Variants in CRELD2 observed in about 807,000 individuals in gnomAD.
CRELD2 encodes the protein CRELD disulfide isomerase 2.
In CRELD2, 33 loss-of-function variants were observed where a neutral mutation model predicts 48.1. That is an observed-to-expected ratio of 0.69 (90% CI 0.52 to 0.92). The LOEUF is 0.92. CRELD2 is among the 40% of genes least tolerant of loss of function. The probability of loss-of-function intolerance (pLI) is 0.00; values close to 1 mark genes in which losing one functional copy is unlikely to be tolerated. For synonymous variants in CRELD2, 220 were observed against 203.9 expected (o/e 1.08, Z -0.67); for missense variants, 477 against 482.4 (o/e 0.99, Z 0.10).
chr22:49,924,203 T>G (rs9616213), intron 7 of CRELD2, 157 bp from the exon 8 acceptor site: 125,781 of 562,260 alleles, frequency 0.22, 17,415 homozygotes, highest in African/African-American at 0.48. Context: ...AGTCTGTGCT[T>G]TTGCCGGGAG....
Position 49,922,359 on chromosome 22 carries a change from G to A in CRELD2, c.593-253G>A, listed in dbSNP as rs114824010. 223 of 1,611,094 alleles carry A rather than the reference G, an allele frequency of 1.4e-4. 1 individual carries two copies. The African/African-American group carries it at 2.3e-3, about 17-fold the overall frequency. Reference sequence around the variant, plus strand: ...TCTGTCTCTTGGATGTTGGCGTGGCGTGGGCCACGCATGGATCCGTGGCCG... The same window carrying A: ...TCTGTCTCTTGGATGTTGGCGTGGCATGGGCCACGCATGGATCCGTGGCCG... On this transcript the variant is annotated intron_variant, in intron 5 of 9. Transcript: ENST00000328268.
At chr22:49,925,940 C>T in intron 9 of CRELD2, 1 of 207,954 alleles carries the variant, frequency 4.8e-6, no homozygotes, top group Non-Finnish European at 9.5e-6. Context: ...TGGTGGAGGG[C>T]AAGCGGGTCC....
chr22:49,921,279 G>A (rs9616394), intron 4 of CRELD2: 8 of 363,506 alleles, frequency 2.2e-5, no homozygotes, highest in Middle Eastern at 7.4e-4. Context: ...AATAAGAGCC[G>A]CTCAGCTTTA....
intron 9 of CRELD2, 121 bp downstream of exon 9, chr22:49,925,678 A>G: frequency 6.5e-7 from 1 of 1,534,158 alleles, no homozygotes; most frequent in Non-Finnish European, 8.7e-7. Flanking sequence ...TGAGAGGGGG[A>G]TTCCCGGAAG....
In CRELD2 at chr22:49,924,209, G is replaced by A. The variant is rs9627798; in HGVS notation, c.773-151G>A. The stretch of plus-strand genomic sequence containing the variant: ...CAGGACGCGAGTCTGTGCTTTTGCC[G>A]GGAGACAGAGACAGATCGTTATAAA... On this transcript the variant is annotated intron_variant, in intron 7 of 9. Transcript: ENST00000328268. The A allele has an allele frequency of 0.1, 57,488 of 572,336 alleles. 4,829 individuals are homozygous for A. Among genetic ancestry groups the A allele is most frequent in the African/African-American group, 0.3 (15,823 of 53,074 alleles). The allele number at this position is 572,336 out of a possible 1,614,324, so 35.5% of individuals were successfully genotyped here. A position where few individuals can be genotyped will look rare whatever the true frequency, so the allele number is the denominator to read the frequency against.
chr22:49,921,811 G>T, intron 5 of CRELD2, 50 bp downstream of exon 5: 2 of 1,558,458 alleles, frequency 1.3e-6, no homozygotes, highest in Non-Finnish European at 8.7e-7. Context: ...GATGACAAGA[G>T]CCCCTTGCTG....
At chr22:49,923,425 C>A in intron 7 of CRELD2, 108 bp downstream of exon 7, 1 of 834,934 alleles carries the variant, frequency 1.2e-6, no homozygotes, top group Non-Finnish European at 2.0e-6. Context: ...ATCCTGCCTG[C>A]CCTGAGAACA....
At position 49,919,806 on chromosome 22, in the gene CRELD2, C is replaced by A; in HGVS notation, c.289C>A (p.Gln97Lys). Reference sequence around the variant, plus strand: ...CGAATGCAATCAGATGCTAGAGGCGCAGGAGGAGCACCTGGAGGCCTGGTG... The same window carrying A: ...CGAATGCAATCAGATGCTAGAGGCGAAGGAGGAGCACCTGGAGGCCTGGTG... Reference protein sequence around the residue: ...DFECNQMLEAQEEHLEAWWLQ... With the variant: ...DFECNQMLEAKEEHLEAWWLQ... The change falls in exon 3 of 10, where the codon CAG (glutamine) becomes AAG (lysine). Residue 97 changes from glutamine (Q) to lysine (K), a missense_variant. Gln to Lys is a moderately conservative substitution (Grantham distance 53). Coordinates refer to ENST00000328268, the MANE Select transcript of CRELD2 (RefSeq NM_024324.5). 6.2e-7 allele frequency: 1 copy of A among 1,612,688 alleles called. No homozygotes were observed. Among genetic ancestry groups the A allele is most frequent in the East Asian group, 2.2e-5 (1 of 44,862 alleles).
At chr22:49,923,747 A>G (rs1292126929) in intron 7 of CRELD2, 8 of 293,424 alleles carry the variant, frequency 2.7e-5, no homozygotes, top group East Asian at 9.2e-5. Flanking sequence ...CGTTTACGTC[A>G]TAACAGTTTT....
At chr22:49,925,147 G>T in intron 8 of CRELD2, 2 of 268,142 alleles carry the variant, frequency 7.5e-6, no homozygotes, top group Non-Finnish European at 1.4e-5. Context: ...AAAAAAAAAA[G>T]GAAAAGAAAG....
intron 2 of CRELD2, 81 bp from the exon 3 acceptor site, chr22:49,919,649 C>T (rs1437013867): frequency 9.4e-7 from 1 of 1,061,520 alleles, no homozygotes; most frequent in African/African-American, 1.6e-5. Context: ...GGCCCCTGCA[C>T]CCAGGTTGGC....
intron 6 of CRELD2, 64 bp from the exon 7 acceptor site, chr22:49,923,170 G>T: frequency 7.5e-7 from 1 of 1,327,424 alleles, no homozygotes; most frequent in Non-Finnish European, 1.0e-6. Flanking sequence ...GGCCATGATC[G>T]GTCCTTCCCC....
At chr22:49,925,745 A>C in intron 9 of CRELD2, 188 bp downstream of exon 9, 2 of 1,410,152 alleles carry the variant, frequency 1.4e-6, no homozygotes, top group South Asian at 1.5e-5. Context: ...TGGCTTCCTG[A>C]GGATGAAGCC....
At position 49,922,675 on chromosome 22, in the gene CRELD2, T is replaced by C. The variant is rs1474306401; in HGVS notation, c.656T>C (p.Val219Ala). Reference protein sequence around the residue: ...LTNRDCGECEVGWVLDEGACV... With the variant: ...LTNRDCGECEAGWVLDEGACV... ...AACAGAGACTGCGGCGAGTGTGAAGTGGGCTGGGTGCTGGACGAGGGCGCC... is the reference window on the plus strand; with the variant it reads ...AACAGAGACTGCGGCGAGTGTGAAGCGGGCTGGGTGCTGGACGAGGGCGCC... The change falls in exon 6 of 10, where the codon GTG (valine) becomes GCG (alanine). Residue 219 changes from valine (V) to alanine (A), a missense_variant. By Grantham distance (64) the Val-to-Ala change is moderately conservative (BLOSUM62 0). Coordinates refer to ENST00000328268, the MANE Select transcript of CRELD2 (RefSeq NM_024324.5). 6 of 1,551,028 alleles carry C rather than the reference T, an allele frequency of 3.9e-6. No homozygotes were observed. The South Asian group carries it at 7.1e-5, about 18-fold the overall frequency.
chr22:49,923,144 G>A, intron 6 of CRELD2, 90 bp from the exon 7 acceptor site: 1 of 1,070,036 alleles, frequency 9.3e-7, no homozygotes. Flanking sequence ...GCCGGCCCTG[G>A]CCACGGGCTG....
rs2060661730 is a variant in CRELD2, at chr22:49,919,802, G to A, written c.285G>A (p.Glu95=). 3 of 1,612,956 alleles carry A rather than the reference G, an allele frequency of 1.9e-6. No individual in the cohort carries two copies. Among genetic ancestry groups the A allele is most frequent in the Middle Eastern group, 1.7e-4 (1 of 6,054 alleles). Residue 95 remains glutamate, a synonymous_variant, in exon 3 of 10, where the codon GAG becomes GAA. Coordinates refer to ENST00000328268, the MANE Select transcript of CRELD2 (RefSeq NM_024324.5). ...SSDFECNQML[E]AQEEHLEAWW... ...ACTTCGAATGCAATCAGATGCTAGA[G>A]GCGCAGGAGGAGCACCTGGAGGCCT...
intron 8 of CRELD2, chr22:49,924,659 G>A (rs1368804568): frequency 2.2e-5 from 10 of 446,498 alleles, no homozygotes; most frequent in South Asian, 5.7e-5. Flanking sequence ...CTGCATGGCC[G>A]ACCCTGGTGT....
At chr22:49,921,962 G>C (rs1002750217) in intron 5 of CRELD2, 1 of 619,588 alleles carries the variant, frequency 1.6e-6, no homozygotes, top group African/African-American at 1.9e-5. Context: ...TCCCGTAACA[G>C]CCCTCAGAAG....
At chr22:49,924,151 C>A in intron 7 of CRELD2, 1 of 496,916 alleles carries the variant, frequency 2.0e-6, no homozygotes, top group South Asian at 2.4e-5. Context: ...AGGTGGTCTG[C>A]ACCATGGCTC....
Sources: gnomAD v4.1 joint callset for allele counts on GRCh38, gnomAD v4.1.1 for gene constraint, MANE v1.5 for transcripts, NCBI Gene and HGNC (gene_info 2026-07-23, HGNC 2026-07-21) for gene names.